The following ZFHX3 variants were observed in gnomAD, a reference collection of about 807,000 sequenced individuals.
ZFHX3 encodes zinc finger homeobox 3, also known as zinc finger homeobox protein 3.
In ZFHX3, 42 loss-of-function variants were observed where a neutral mutation model predicts 279.1. That is an observed-to-expected ratio of 0.15 (90% CI 0.12 to 0.19). The LOEUF (loss-of-function observed/expected upper bound fraction) is 0.19. Ranked by LOEUF, ZFHX3 falls within the 10% of genes least tolerant of loss-of-function variation. The probability of loss-of-function intolerance (pLI) is 1.00; values close to 1 mark genes in which losing one functional copy is unlikely to be tolerated. For missense variants in ZFHX3, 4,981 were observed against 4,754.0 expected (o/e 1.05, Z -1.40); for synonymous variants, 2,293 against 1,957.8 (o/e 1.17, Z -4.52).
intron 1 of ZFHX3, among the ~76,000 whole-genome samples, chr16:73,018,883 A>C (rs1314568468): frequency 1.3e-5 from 2 of 152,064 alleles, no homozygotes; most frequent in Non-Finnish European, 2.9e-5. Flanking sequence ...GAAAGAACTC[A>C]CTACCCAGCT....
chr16:73,744,439 T>C (rs899750881), intron 1 of ZFHX3, among the ~76,000 whole-genome samples: 2 of 152,216 alleles, frequency 1.3e-5, no homozygotes, highest in Non-Finnish European at 2.9e-5. Context: ...CAATTATCTA[T>C]TTCAGTAAAC....
At chr16:73,353,738 A>G (rs898619708) in intron 3 of ZFHX3, among the ~76,000 whole-genome samples, 2 of 152,188 alleles carry the variant, frequency 1.3e-5, no homozygotes, top group Non-Finnish European at 2.9e-5. Flanking sequence ...AAATGAAAGG[A>G]AGCAGGAGAA....
chr16:72,995,276 A>G (rs1337464246), intron 1 of ZFHX3, among the ~76,000 whole-genome samples: 1 of 152,118 alleles, frequency 6.6e-6, no homozygotes, highest in Non-Finnish European at 1.5e-5. Flanking sequence ...AAGCTGTTCA[A>G]ACTTTCCCCT....
chr16:73,045,732 G>C (rs1256459819), intron 1 of ZFHX3, among the ~76,000 whole-genome samples: 1 of 136,586 alleles, frequency 7.3e-6, no homozygotes, highest in East Asian at 2.4e-4. Context: ...CATCAACACT[G>C]TTTTCAGGAG....
chr16:73,880,788 T>C (rs1265760111), intron 1 of ZFHX3, among the ~76,000 whole-genome samples: 1 of 152,196 alleles, frequency 6.6e-6, no homozygotes, highest in Non-Finnish European at 1.5e-5. Context: ...CTTTTTAACA[T>C]CTACCAAGAA....
chr16:72,837,455 C>A (rs1273045346), intron 4 of ZFHX3, among the ~76,000 whole-genome samples: 1 of 150,968 alleles, frequency 6.6e-6, no homozygotes, highest in African/African-American at 2.4e-5. Flanking sequence ...CTCAGACATG[C>A]GCCCTGGCTC....
At chr16:73,328,677 C>T (rs996542589) in intron 3 of ZFHX3, among the ~76,000 whole-genome samples, 3 of 152,082 alleles carry the variant, frequency 2.0e-5, no homozygotes, top group Admixed American at 6.6e-5. Context: ...AACAGGCAAA[C>T]CAAATACGAT....
At chr16:72,980,698 G>C (rs1040141486) in intron 1 of ZFHX3, among the ~76,000 whole-genome samples, 1 of 152,016 alleles carries the variant, frequency 6.6e-6, no homozygotes, top group East Asian at 1.9e-4. Flanking sequence ...AGGCTGCAAT[G>C]AGCTGTGATC....
At chr16:72,902,351 A>G (rs142943247) in intron 3 of ZFHX3, among the ~76,000 whole-genome samples, 4 of 152,334 alleles carry the variant, frequency 2.6e-5, no homozygotes, top group African/African-American at 9.6e-5. Flanking sequence ...GCTCCCAATC[A>G]ATAGCCCGGA....
At chr16:72,814,068 G>C (rs1171714601) in intron 5 of ZFHX3, among the ~76,000 whole-genome samples, 1 of 152,090 alleles carries the variant, frequency 6.6e-6, no homozygotes, top group Non-Finnish European at 1.5e-5. Flanking sequence ...GATGGGGTGG[G>C]TGAGGGCATC....
chr16:73,676,223 A>G (rs1478621048), intron 2 of ZFHX3, among the ~76,000 whole-genome samples: 2 of 152,044 alleles, frequency 1.3e-5, no homozygotes, highest in South Asian at 4.1e-4. Context: ...ACTATAAATT[A>G]TTTTTGAAAA....
chr16:73,198,176 A>T (rs1293669875), intron 5 of ZFHX3, among the ~76,000 whole-genome samples: 2 of 151,378 alleles, frequency 1.3e-5, no homozygotes, highest in Non-Finnish European at 2.9e-5. Context: ...TGACCTAGTG[A>T]TCCGCCCGCC....
intron 1 of ZFHX3, among the ~76,000 whole-genome samples, chr16:72,973,025 C>T (rs1040129082): frequency 7.9e-5 from 12 of 152,304 alleles, no homozygotes; most frequent in African/African-American, 1.2e-4. Context: ...ACTACTTCTG[C>T]GGTTTCAATT....
chr16:73,316,385 C>T (rs943980435), intron 4 of ZFHX3, among the ~76,000 whole-genome samples: 7 of 152,072 alleles, frequency 4.6e-5, no homozygotes, highest in Non-Finnish European at 1.0e-4. Context: ...TTTATGTCCA[C>T]CCCACCCTCA....
chr16:73,571,265 C>T (rs1203563295), intron 2 of ZFHX3, among the ~76,000 whole-genome samples: 1 of 151,958 alleles, frequency 6.6e-6, no homozygotes, highest in Admixed American at 6.5e-5. Flanking sequence ...TCTAGATATA[C>T]CGCTCCTACC....
At chr16:72,922,068 C>T (rs898259083) in intron 3 of ZFHX3, among the ~76,000 whole-genome samples, 1 of 152,184 alleles carries the variant, frequency 6.6e-6, no homozygotes, top group East Asian at 1.9e-4. Flanking sequence ...GTAGGCACGC[C>T]GTGAAGCCCA....
At chr16:73,109,481 A>G (rs550824314) in intron 7 of ZFHX3, among the ~76,000 whole-genome samples, 2 of 133,110 alleles carry the variant, frequency 1.5e-5, no homozygotes, top group South Asian at 2.6e-4. Context: ...CTGCCAGCGC[A>G]TGCACTAAAA....
intron 3 of ZFHX3, among the ~76,000 whole-genome samples, chr16:72,920,319 TACAC>T (rs1399579209): frequency 6.6e-6 from 1 of 152,112 alleles, no homozygotes; most frequent in Non-Finnish European, 1.5e-5. Context: ...ATTAAACTAA[TACAC>T]ACAGCCACCA....
At chr16:73,507,943 A>T (rs967246707) in intron 2 of ZFHX3, among the ~76,000 whole-genome samples, 4 of 152,236 alleles carry the variant, frequency 2.6e-5, no homozygotes, top group African/African-American at 9.6e-5. Flanking sequence ...GACATAAAAG[A>T]TGCTTAACAA....
Sources: allele counts gnomAD v4.1 joint callset (sites outside exome capture counted in the v4.1 genomes callset), GRCh38; gene constraint gnomAD v4.1.1; transcripts MANE v1.5; gene names NCBI Gene and HGNC (gene_info 2026-07-23, HGNC 2026-07-21).